Variants in SUPT16H observed in about 807,000 individuals in gnomAD.
SUPT16H encodes the protein FACT complex subunit SPT16.
In SUPT16H, 24 loss-of-function variants were observed where a neutral mutation model predicts 136.2. The ratio of observed to expected loss-of-function variants is 0.18; its 90% CI spans 0.13 to 0.25. The LOEUF is 0.25. Ranked by LOEUF, SUPT16H falls within the 10% of genes least tolerant of loss-of-function variation. SUPT16H has a pLI of 1.00. For synonymous variants in SUPT16H, 415 were observed against 428.2 expected (o/e 0.97, Z 0.38); for missense variants, 623 against 1,270.2 (o/e 0.49, Z 7.74).
intron 23 of SUPT16H, among the ~76,000 whole-genome samples, chr14:21,354,087 A>G (rs1886378490): frequency 6.6e-6 from 1 of 152,214 alleles, no homozygotes; most frequent in South Asian, 2.1e-4. Flanking sequence ...AACAACAGAA[A>G]GACTTTCTGT....
Position 21,357,227 on chromosome 14 carries a change from G to T in SUPT16H, c.2630C>A (p.Ala877Asp). 1 of 1,610,436 alleles carries T rather than the reference G, an allele frequency of 6.2e-7. No individual in the cohort carries two copies. The highest frequency in any genetic ancestry group is 8.5e-7 in the Non-Finnish European group (1 of 1,178,324). ...KVTMINAIPV[A>D]SLDPIKEWLN... ...CCATTCCTTGATGGGGTCAAGAGAG[G>T]CTACAGGAATGGCGTTGATCATGGT... is the stretch of plus-strand genomic sequence containing the variant. Residue 877 changes from alanine (A) to aspartate (D), a missense_variant, in exon 22 of 26, where the codon GCC becomes GAC. Physicochemically the swap from Ala to Asp is moderately radical, Grantham distance 126. Coordinates refer to ENST00000216297, the MANE Select transcript of SUPT16H (RefSeq NM_007192.4).
At chr14:21,365,253 T>C in intron 8 of SUPT16H, 110 bp from the exon 9 acceptor site, 1 of 1,042,024 alleles carries the variant, frequency 9.6e-7, no homozygotes, top group Non-Finnish European at 1.4e-6. Context: ...ATGTTTGAAA[T>C]GATTTACCCC....
Position 21,352,220 on chromosome 14 carries a change from C to T in SUPT16H, c.*453G>A, listed in dbSNP as rs1369955465. The T allele has an allele frequency of 6.0e-6, 1 of 166,478 alleles. No individual in the cohort carries two copies. Among genetic ancestry groups the T allele is most frequent in the Non-Finnish European group, 1.3e-5 (1 of 75,020 alleles). 10.3% of individuals were successfully genotyped at this position (166,478 alleles called of 1,614,324 possible). A position where few individuals can be genotyped will look rare whatever the true frequency, so the allele number is the denominator to read the frequency against. On this transcript the variant is annotated 3_prime_UTR_variant, in exon 26 of 26. Coordinates refer to ENST00000216297, the MANE Select transcript of SUPT16H (RefSeq NM_007192.4). ...AACCTTGAGTATTGCAAAGATAAAACTTAGAGATGTGCGGAAGGTCATGGC... is the reference window on the plus strand; with the variant it reads ...AACCTTGAGTATTGCAAAGATAAAATTTAGAGATGTGCGGAAGGTCATGGC...
chr14:21,360,348 G>A, intron 18 of SUPT16H, 67 bp downstream of exon 18: 2 of 1,257,198 alleles, frequency 1.6e-6, no homozygotes, highest in South Asian at 1.3e-5. Flanking sequence ...TATTTTATAG[G>A]AAAGAAGCTG....
At position 21,369,733 on chromosome 14, in the gene SUPT16H, C is replaced by G. The variant is rs1488170207; in HGVS notation, c.630+17G>C. ...GCTTCATTAAAACAGTAAAAAGACC[C>G]TCTCATCTCCATTTACCTCATCTGC... On this transcript the variant is annotated intron_variant, in intron 5 of 25. Transcript: ENST00000216297. The G allele has an allele frequency of 6.2e-7, 1 of 1,613,510 alleles. No individual in the cohort carries two copies. Among genetic ancestry groups the G allele is most frequent in the Non-Finnish European group, 8.5e-7 (1 of 1,179,744 alleles).
chr14:21,369,510 T>C, intron 5 of SUPT16H, 155 bp from the exon 6 acceptor site: 2 of 1,058,066 alleles, frequency 1.9e-6, no homozygotes, highest in Non-Finnish European at 2.7e-6. Flanking sequence ...CAAAACACAT[T>C]TGGAGAACAA....
At chr14:21,366,999 G>A (rs1886685444) in intron 7 of SUPT16H, among the ~76,000 whole-genome samples, 1 of 151,972 alleles carries the variant, frequency 6.6e-6, no homozygotes, top group Non-Finnish European at 1.5e-5. Context: ...GGAGTGCAGT[G>A]GCGTGATCCT....
intron 6 of SUPT16H, 31 bp from the exon 7 acceptor site, chr14:21,368,472 A>G: frequency 2.5e-6 from 4 of 1,575,226 alleles, no homozygotes; most frequent in Non-Finnish European, 3.4e-6. Flanking sequence ...AAAACATTTC[A>G]TTACCAAAAC....
chr14:21,376,781 T>C (rs1886911020), intron 1 of SUPT16H, among the ~76,000 whole-genome samples: 1 of 152,178 alleles, frequency 6.6e-6, no homozygotes, highest in South Asian at 2.1e-4. Context: ...ACCCTTGCAT[T>C]TGTCTTTTAA....
chr14:21,353,466 AAAAC>A lies in SUPT16H; in HGVS notation c.2998+18_2998+21del, dbSNP rs1200052979. 3.1e-6 allele frequency: 5 copies of A among 1,609,810 alleles called. No individual in the cohort carries two copies. Among genetic ancestry groups the A allele is most frequent in the African/African-American group, 1.3e-5 (1 of 74,850 alleles). On this transcript the variant is annotated intron_variant, in intron 25 of 25. Transcript: ENST00000216297. ...AATTTGTGCGTAGACAAATGAATAA[AAAAC>A]AACACATTTTTAAAAACCTTTTCGG... is the stretch of plus-strand genomic sequence containing the variant.
At chr14:21,372,340 C>A in intron 2 of SUPT16H, 1 of 344,112 alleles carries the variant, frequency 2.9e-6, no homozygotes, top group Non-Finnish European at 5.4e-6. Context: ...GGAAGTATAT[C>A]AATGTTTAGT....
rs990812084 is a variant in SUPT16H at position 21,381,614 on chromosome 14, T to A, written c.66+2248A>T. Reference sequence around the variant, plus strand: ...AGCAAAAGGCTTGGGATTTATTTTTTTTTTTTTTAATTTATTTTTTAAAGA... The same window carrying A: ...AGCAAAAGGCTTGGGATTTATTTTTATTTTTTTTAATTTATTTTTTAAAGA... On this transcript the variant is annotated intron_variant, in intron 1 of 25. Transcript: ENST00000216297. Among the ~76,000 whole-genome samples the A allele has an allele frequency of 1.0e-3, 152 of 152,000 alleles. 2 individuals are homozygous for A. The East Asian group carries it at 0.016, about 16-fold the overall frequency.
At chr14:21,383,650 G>GA in intron 1 of SUPT16H, 1 of 713,768 alleles carries the variant, frequency 1.4e-6, no homozygotes, top group Non-Finnish European at 2.6e-6. Context: ...GGGGAAGATG[G>GA]TGATGGCCGC....
At chr14:21,359,868 G>C (rs1334789286) in intron 18 of SUPT16H, among the ~76,000 whole-genome samples, 1 of 152,146 alleles carries the variant, frequency 6.6e-6, no homozygotes, top group Admixed American at 6.5e-5. Flanking sequence ...ATTTTAGAAA[G>C]AGAAATCTGG....
At chr14:21,361,470 C>T (rs1886555501) in intron 15 of SUPT16H, 1 of 503,716 alleles carries the variant, frequency 2.0e-6, no homozygotes, top group South Asian at 2.0e-5. Context: ...GTACACACCA[C>T]CATGCCCGGC....
rs1886637028 is a variant in SUPT16H at position 21,365,050 on chromosome 14, C to CTAT, written c.1120+17_1120+19dup. On this transcript the variant is annotated intron_variant, in intron 9 of 25. Transcript: ENST00000216297. ...GGAAGTAACTCACAAAAGCATTTTC[C>CTAT]TATTGTATGTGAAACTTACCTTTCT... 6.2e-7 allele frequency: 1 copy of CTAT among 1,612,382 alleles called. No individual in the cohort carries two copies. Among genetic ancestry groups the CTAT allele is most frequent in the Non-Finnish European group, 8.5e-7 (1 of 1,178,904 alleles).
intron 1 of SUPT16H, 100 bp downstream of exon 1, chr14:21,383,761 CG>C (rs1162532002): frequency 7.2e-7 from 1 of 1,390,160 alleles, no homozygotes; most frequent in Non-Finnish European, 1.0e-6. Flanking sequence ...GCACAGAACC[CG>C]GGAATTCCTG....
intron 22 of SUPT16H, among the ~76,000 whole-genome samples, chr14:21,355,789 A>T (rs1886420883): frequency 6.6e-6 from 1 of 152,166 alleles, no homozygotes; most frequent in Non-Finnish European, 1.5e-5. Flanking sequence ...GTAAGGATAA[A>T]AACAAACAAC....
intron 18 of SUPT16H, 134 bp downstream of exon 18, chr14:21,360,281 G>C (rs1886523592): frequency 1.6e-6 from 1 of 617,610 alleles, no homozygotes; most frequent in Non-Finnish European, 2.8e-6. Flanking sequence ...ACCCACCTCG[G>C]CCTCCCAAAG....
Sources: allele counts gnomAD v4.1 joint callset (sites outside exome capture counted in the v4.1 genomes callset), GRCh38; gene constraint gnomAD v4.1.1; transcripts MANE v1.5; gene names NCBI Gene and HGNC (gene_info 2026-07-23, HGNC 2026-07-21).